Variants in GDPD5 observed in about 807,000 individuals in gnomAD.
GDPD5 encodes glycerophosphodiester phosphodiesterase domain containing 5.
Under a neutral mutation model 75.1 loss-of-function variants are expected in GDPD5, and 48 were observed. The ratio of observed to expected loss-of-function variants is 0.64; its 90% CI spans 0.51 to 0.81. The LOEUF (loss-of-function observed/expected upper bound fraction) is 0.81. Ranked by LOEUF, GDPD5 falls within the 40% of genes least tolerant of loss-of-function variation. The pLI, the probability that GDPD5 is intolerant of heterozygous loss-of-function variation, is 0.00. For synonymous variants in GDPD5, 336 were observed against 339.0 expected, an observed-to-expected ratio of 0.99 and a Z score of 0.10; for missense variants, 706 against 822.6, an observed-to-expected ratio of 0.86 and a Z score of 1.73.
chr11:75,489,119 A>C (rs1444767129), intron 2 of GDPD5, among the ~76,000 whole-genome samples: 1 of 152,240 alleles, frequency 6.6e-6, no homozygotes, highest in Non-Finnish European at 1.5e-5. Context: ...CCACTTCTGA[A>C]AGCCTGAATT....
intron 15 of GDPD5, chr11:75,438,768 G>A (rs965675587): frequency 6.5e-5 from 10 of 154,510 alleles, no homozygotes; most frequent in Admixed American, 3.2e-4. Flanking sequence ...AGCCACTGTG[G>A]GGTCCTCTGA....
intron 2 of GDPD5, among the ~76,000 whole-genome samples, chr11:75,484,392 C>G (rs1160640602): frequency 1.3e-5 from 2 of 152,156 alleles, no homozygotes; most frequent in Non-Finnish European, 2.9e-5. Flanking sequence ...TGTACCTGGG[C>G]CCTCTCCACT....
chr11:75,456,521 C>A (rs1949288813), intron 6 of GDPD5: 5 of 566,368 alleles, frequency 8.8e-6, no homozygotes, highest in South Asian at 2.2e-5. Context: ...GTTTCCCCAA[C>A]CACAAAATGG....
intron 1 of GDPD5, among the ~76,000 whole-genome samples, chr11:75,500,524 C>A (rs1950287290): frequency 6.6e-6 from 1 of 152,162 alleles, no homozygotes; most frequent in Non-Finnish European, 1.5e-5. Flanking sequence ...GGCCTGAATG[C>A]TGCTGCTCTC....
intron 15 of GDPD5, among the ~76,000 whole-genome samples, chr11:75,439,119 C>T (rs189973872): frequency 3.0e-4 from 45 of 152,272 alleles, no homozygotes; most frequent in African/African-American, 8.4e-4. Flanking sequence ...CCTGCAGAAA[C>T]GGCCGTGGGA....
intron 6 of GDPD5, among the ~76,000 whole-genome samples, chr11:75,454,483 A>G (rs911270185): frequency 2.0e-5 from 3 of 152,230 alleles, no homozygotes; most frequent in African/African-American, 7.2e-5. Context: ...CTTCACCCAG[A>G]AATTCCTCTC....
At chr11:75,485,246 G>A (rs1721154409) in intron 2 of GDPD5, 1 of 152,190 alleles carries the variant, frequency 6.6e-6, no homozygotes, top group African/African-American at 2.4e-5. Flanking sequence ...TCTTCTGTAT[G>A]ACACAGTAAT....
At chr11:75,466,177 T>C (rs1490339930) in intron 3 of GDPD5, among the ~76,000 whole-genome samples, 1 of 152,144 alleles carries the variant, frequency 6.6e-6, no homozygotes, top group Non-Finnish European at 1.5e-5. Context: ...AGGAACCCCA[T>C]GATCAGAACT....
At chr11:75,506,306 G>C (rs1950398120) in intron 1 of GDPD5, among the ~76,000 whole-genome samples, 1 of 152,196 alleles carries the variant, frequency 6.6e-6, no homozygotes, top group African/African-American at 2.4e-5. Context: ...GCCAGCCCCA[G>C]GGAGGAAGAA....
At chr11:75,440,051 C>T in intron 14 of GDPD5, 90 bp from the exon 15 acceptor site, 1 of 942,870 alleles carries the variant, frequency 1.1e-6, no homozygotes, top group Non-Finnish European at 1.7e-6. Flanking sequence ...AAGGACCCCA[C>T]ATGGCCACTG....
chr11:75,458,156 G>A (rs1256547423), intron 4 of GDPD5, among the ~76,000 whole-genome samples: 3 of 152,218 alleles, frequency 2.0e-5, no homozygotes, highest in African/African-American at 7.2e-5. Context: ...AGGCTTTGGA[G>A]TGAGGCACAC....
chr11:75,492,601 G>C (rs797003444), intron 1 of GDPD5: 8 of 152,408 alleles, frequency 5.2e-5, no homozygotes, highest in African/African-American at 1.9e-4. Context: ...CTTTTCTGCT[G>C]TGGACTGGCT....
intron 14 of GDPD5, among the ~76,000 whole-genome samples, chr11:75,440,356 C>T (rs1948754728): frequency 6.6e-6 from 1 of 152,164 alleles, no homozygotes; most frequent in South Asian, 2.1e-4. Flanking sequence ...AGGCTGCCTT[C>T]CCTTCACCCT....
At chr11:75,435,761 G>T (rs538127273) in intron 16 of GDPD5, 106 bp from the exon 17 acceptor site, 11 of 1,182,500 alleles carry the variant, frequency 9.3e-6, no homozygotes, top group Middle Eastern at 2.2e-4. Context: ...GCACTTGGAG[G>T]CTGATGAAAC....
rs1324477555 is a variant in GDPD5, at chr11:75,449,514, C to T, written c.568+3G>A. ...GGGGCAGGCCCTTCACAGTTCTACT[C>T]ACAGGTCCGCTCTGCGCGGGCGAAC... is the stretch of plus-strand genomic sequence containing the variant. On this transcript the variant is annotated splice_donor_region_variant and intron_variant, in intron 8 of 16. Coordinates refer to ENST00000336898, the MANE Select transcript of GDPD5 (RefSeq NM_030792.8). 4.5e-6 allele frequency: 7 copies of T among 1,566,458 alleles called. No individual in the cohort carries two copies. Among genetic ancestry groups the T allele is most frequent in the African/African-American group, 1.3e-5 (1 of 74,268 alleles).
rs1210327850 is a variant in GDPD5, at chr11:75,439,946, A to C, written c.1489T>G (p.Cys497Gly). The C allele has an allele frequency of 1.9e-6, 3 of 1,613,658 alleles. No homozygotes were observed. The highest frequency in any genetic ancestry group is 2.5e-6 in the Non-Finnish European group (3 of 1,179,798). ...PLWIMPPDEY[C>G]LMWVTADLVS... ...AGGTCGGCAGTGACCCACATGAGACAGTACTCGTCCGGGGGCTGTGGACAG... is the reference window on the plus strand; with the variant it reads ...AGGTCGGCAGTGACCCACATGAGACCGTACTCGTCCGGGGGCTGTGGACAG... Residue 497 changes from cysteine to glycine, a missense_variant, in exon 15 of 17, where the codon TGT (cysteine) becomes GGT (glycine). Transcript: ENST00000336898.
At chr11:75,503,088 C>T (rs1197744745) in intron 1 of GDPD5, among the ~76,000 whole-genome samples, 1 of 152,194 alleles carries the variant, frequency 6.6e-6, no homozygotes, top group African/African-American at 2.4e-5. Context: ...TGGGACATCT[C>T]AGCTCACTGC....
chr11:75,458,896 C>T (rs995595248), intron 4 of GDPD5, among the ~76,000 whole-genome samples: 2 of 151,606 alleles, frequency 1.3e-5, no homozygotes, highest in African/African-American at 4.9e-5. Flanking sequence ...AATCCTCCTA[C>T]CTCAGCTGGG....
chr11:75,490,934 G>A (rs1950096833), intron 1 of GDPD5, among the ~76,000 whole-genome samples: 1 of 152,190 alleles, frequency 6.6e-6, no homozygotes, highest in Admixed American at 6.5e-5. Context: ...GCCAGGAGAG[G>A]TGAGGAGGAG....
Sources: gnomAD v4.1 joint callset for allele counts (sites outside exome capture counted in the v4.1 genomes callset) on GRCh38, gnomAD v4.1.1 for gene constraint, MANE v1.5 for transcripts, NCBI Gene and HGNC (gene_info 2026-07-23, HGNC 2026-07-21) for gene names.